ATXN1: variants seen among roughly 807,000 people sequenced by gnomAD.
ATXN1 encodes ataxin-1.
A neutral mutation model predicts 56.4 loss-of-function variants in ATXN1; 8 were observed. That is an observed-to-expected ratio of 0.14 (90% confidence interval 0.08 to 0.26). The LOEUF (loss-of-function observed/expected upper bound fraction) is 0.26, where lower values mean the gene tolerates loss of function less well. ATXN1 is among the 10% of genes least tolerant of loss of function. The pLI, the probability that ATXN1 is intolerant of heterozygous loss-of-function variation, is 1.00. For synonymous variants in ATXN1, 514 were observed against 494.6 expected (o/e 1.04, Z -0.52); for missense variants, 987 against 1,106.5 (o/e 0.89, Z 1.53).
chr6:16,311,601 C>T (rs921794607), intron 7 of ATXN1, among the ~76,000 whole-genome samples: 13 of 152,198 alleles, frequency 8.5e-5, no homozygotes, highest in African/African-American at 2.9e-4. Context: ...ACATCACACA[C>T]AGAAACATAT....
intron 6 of ATXN1, among the ~76,000 whole-genome samples, chr6:16,356,830 A>G (rs534998736): frequency 9.9e-4 from 151 of 152,358 alleles, no homozygotes; most frequent in African/African-American, 3.5e-3. Flanking sequence ...GCATTTGTCA[A>G]ACATTTTTAG....
chr6:16,453,277 G>A (rs907909934), intron 6 of ATXN1, among the ~76,000 whole-genome samples: 5 of 152,024 alleles, frequency 3.3e-5, no homozygotes, highest in East Asian at 1.9e-4. Flanking sequence ...TGGCTAACAC[G>A]GTGAAACCCC....
At chr6:16,337,977 A>C (rs1017260592) in intron 6 of ATXN1, among the ~76,000 whole-genome samples, 1 of 152,204 alleles carries the variant, frequency 6.6e-6, no homozygotes, top group Non-Finnish European at 1.5e-5. Flanking sequence ...GATAGATCTC[A>C]CTACCCGATG....
chr6:16,584,571 G>A (rs1322049125), intron 4 of ATXN1, among the ~76,000 whole-genome samples: 1 of 151,784 alleles, frequency 6.6e-6, no homozygotes, highest in African/African-American at 2.4e-5. Context: ...AAGTTTCAAG[G>A]ATGCTGCTGT....
chr6:16,568,828 G>C (rs2113747753), intron 4 of ATXN1, among the ~76,000 whole-genome samples: 1 of 152,252 alleles, frequency 6.6e-6, no homozygotes, highest in South Asian at 2.1e-4. Context: ...GGCTAATAAA[G>C]AGTTCAGTTC....
intron 2 of ATXN1, among the ~76,000 whole-genome samples, chr6:16,712,166 T>C (rs927397669): frequency 3.9e-5 from 6 of 152,292 alleles, no homozygotes; most frequent in Admixed American, 1.3e-4. Context: ...TCAAAACTCA[T>C]TGCGCTGTAC....
intron 4 of ATXN1, among the ~76,000 whole-genome samples, chr6:16,543,652 A>AAAAAAAG (rs535769427): frequency 7.0e-6 from 1 of 143,564 alleles, no homozygotes; most frequent in Admixed American, 7.1e-5. Flanking sequence ...AAAAAAAAAA[A>AAAAAAAG]AGAGAGAGAG....
chr6:16,556,476 C>T (rs1581842297), intron 4 of ATXN1, among the ~76,000 whole-genome samples: 1 of 152,344 alleles, frequency 6.6e-6, no homozygotes, highest in East Asian at 1.9e-4. Context: ...CACTCATAAA[C>T]TCCTGTCAAT....
intron 6 of ATXN1, among the ~76,000 whole-genome samples, chr6:16,397,541 G>A (rs551269459): frequency 6.6e-5 from 10 of 152,240 alleles, no homozygotes; most frequent in East Asian, 3.9e-4. Context: ...CACTGTGCCC[G>A]GCCGCCAGTA....
intron 5 of ATXN1, among the ~76,000 whole-genome samples, chr6:16,490,863 C>T (rs972134416): frequency 1.3e-5 from 2 of 151,944 alleles, no homozygotes; most frequent in African/African-American, 4.8e-5. Flanking sequence ...CAATCAAAGG[C>T]CTCTCTCAGA....
At chr6:16,639,965 A>AT (rs1176096283) in intron 3 of ATXN1, among the ~76,000 whole-genome samples, 9 of 150,962 alleles carry the variant, frequency 6.0e-5, no homozygotes, top group East Asian at 1.9e-4. Flanking sequence ...ACAGAACGTT[A>AT]TTTTTTTTTA....
At chr6:16,550,554 ATGCATAATAGT>A (rs1761901972) in intron 4 of ATXN1, among the ~76,000 whole-genome samples, 1 of 152,262 alleles carries the variant, frequency 6.6e-6, no homozygotes, top group Non-Finnish European at 1.5e-5. Context: ...AGTGCCTTTC[ATGCATAATAGT>A]TGCAGAATAT....
chr6:16,543,443 C>G (rs550387131), intron 4 of ATXN1, among the ~76,000 whole-genome samples: 3 of 151,948 alleles, frequency 2.0e-5, no homozygotes, highest in Admixed American at 2.0e-4. Flanking sequence ...CATCCTTTAT[C>G]GGCTTGCACA....
At chr6:16,702,794 C>A (rs1348530335) in intron 2 of ATXN1, among the ~76,000 whole-genome samples, 1 of 152,166 alleles carries the variant, frequency 6.6e-6, no homozygotes, top group Non-Finnish European at 1.5e-5. Context: ...CCATCTCACA[C>A]CAGTTAGAAT....
chr6:16,641,024 A>G (rs1763697852), intron 3 of ATXN1, among the ~76,000 whole-genome samples: 1 of 152,262 alleles, frequency 6.6e-6, no homozygotes, highest in South Asian at 2.1e-4. Context: ...AAAGCAAACC[A>G]GCCATACATT....
chr6:16,377,751 A>C (rs1283971334), intron 6 of ATXN1, among the ~76,000 whole-genome samples: 1 of 152,220 alleles, frequency 6.6e-6, no homozygotes, highest in African/African-American at 2.4e-5. Context: ...TGAATCCTGA[A>C]AGATGAGCAA....
At chr6:16,379,891 A>C (rs1021444462) in intron 6 of ATXN1, among the ~76,000 whole-genome samples, 2 of 152,232 alleles carry the variant, frequency 1.3e-5, no homozygotes, top group Non-Finnish European at 2.9e-5. Flanking sequence ...AAGTGGCTTA[A>C]AAAGTAAGAA....
At chr6:16,694,905 C>A (rs1759131168) in intron 2 of ATXN1, among the ~76,000 whole-genome samples, 1 of 152,216 alleles carries the variant, frequency 6.6e-6, no homozygotes, top group Non-Finnish European at 1.5e-5. Context: ...GTTCTTAGTT[C>A]TTGGTTGCGT....
At chr6:16,325,673 T>C (rs906353105) in intron 7 of ATXN1, among the ~76,000 whole-genome samples, 14 of 145,408 alleles carry the variant, frequency 9.6e-5, no homozygotes, top group Admixed American at 8.8e-4. Context: ...CCCTTTCCTC[T>C]TGGGATCAGA....
Sources: allele counts gnomAD v4.1 joint callset (sites outside exome capture counted in the v4.1 genomes callset), GRCh38; gene constraint gnomAD v4.1.1; transcripts MANE v1.5; gene names NCBI Gene and HGNC (gene_info 2026-07-23, HGNC 2026-07-21).